The following ANKDD1A variants were observed in gnomAD, a reference collection of about 807,000 sequenced individuals.
ANKDD1A encodes ankyrin repeat and death domain-containing protein 1A.
Under a neutral mutation model 63.5 loss-of-function variants are expected in ANKDD1A, and 59 were observed. That is an observed-to-expected ratio of 0.93 (90% CI 0.75 to 1.15). The LOEUF (loss-of-function observed/expected upper bound fraction) is 1.15. Among genes scored for constraint, ANKDD1A ranks in the 50% most tolerant of loss-of-function variants. The pLI is 0.00. For missense variants in ANKDD1A, 632 were observed against 656.4 expected (o/e 0.96, Z 0.41); for synonymous variants, 266 against 263.9 (o/e 1.01, Z -0.08).
rs146094008 is a variant in ANKDD1A, at chr15:64,915,905, G to A, written c.138+5G>A. 492 of 1,612,368 alleles carry A rather than the reference G, an allele frequency of 3.1e-4. No homozygotes were observed. Among genetic ancestry groups the A allele is most frequent in the Non-Finnish European group, 3.4e-4 (405 of 1,179,024 alleles). ...AACACCAGGGCCAGAAACCACGTGCGTAATGAGCTTCTCTGAATCCAGGCA... is the reference window on the plus strand; with the variant it reads ...AACACCAGGGCCAGAAACCACGTGCATAATGAGCTTCTCTGAATCCAGGCA... On this transcript the variant is annotated splice_donor_5th_base_variant and intron_variant, in intron 2 of 14. Coordinates refer to ENST00000319580, the MANE Select transcript of ANKDD1A (RefSeq NM_182703.6).
chr15:64,954,538 CTCCTTCTTCTTTTCTTCT>C (rs1262533005), intron 14 of ANKDD1A, among the ~76,000 whole-genome samples: 22 of 19,512 alleles, frequency 1.1e-3, no homozygotes, highest in Non-Finnish European at 1.6e-3. Context: ...CTTCCTCCTT[CTCCTTCTTCTTTTCTTCT>C]TCCTTCTCCT....
intron 9 of ANKDD1A, among the ~76,000 whole-genome samples, chr15:64,942,265 C>T (rs1045260319): frequency 1.3e-5 from 2 of 152,124 alleles, no homozygotes; most frequent in African/African-American, 4.8e-5. Flanking sequence ...CAGACCCTCA[C>T]CCATCTAGAG....
intron 14 of ANKDD1A, among the ~76,000 whole-genome samples, chr15:64,953,772 C>T (rs1412688875): frequency 1.4e-4 from 3 of 21,788 alleles, no homozygotes; most frequent in South Asian, 8.9e-4. Context: ...TCTTCCTCTT[C>T]CCTCTTTTCT....
At chr15:64,955,043 CTTTCT>C (rs1555367089) in intron 14 of ANKDD1A, among the ~76,000 whole-genome samples, 45,943 of 81,086 alleles carry the variant, frequency 0.57, 8,029 homozygotes, top group South Asian at 0.63. Flanking sequence ...CTTCTTCTTT[CTTTCT>C]TTCTTCTTCT....
At chr15:64,925,472 C>A (rs2085039290) in intron 4 of ANKDD1A, among the ~76,000 whole-genome samples, 1 of 152,074 alleles carries the variant, frequency 6.6e-6, no homozygotes, top group Non-Finnish European at 1.5e-5. Context: ...TTCCTGTCCA[C>A]CCCCAACCCA....
At chr15:64,928,855 G>A (rs767523492) in intron 6 of ANKDD1A, among the ~76,000 whole-genome samples, 26 of 152,346 alleles carry the variant, frequency 1.7e-4, no homozygotes, top group Middle Eastern at 3.4e-3. Flanking sequence ...AAGTGCGAGC[G>A]CCTGTCAGGC....
rs761401352 is a variant in ANKDD1A at position 64,947,569 on chromosome 15, G to A, written c.1327G>A (p.Asp443Asn). 7 of 1,614,042 alleles carry A rather than the reference G, an allele frequency of 4.3e-6. No individual in the cohort carries two copies. Among genetic ancestry groups the A allele is most frequent in the South Asian group, 3.3e-5 (3 of 91,062 alleles). Residue 443 changes from aspartate (D) to asparagine (N), a missense_variant, in exon 13 of 15, where the codon GAC becomes AAC. Transcript: ENST00000319580. The part of the protein sequence containing the change: ...YSWEFTEAHV[D>N]AIEQQWTGTR... Reference sequence around the variant, plus strand: ...CTGGGAGTTCACGGAGGCACATGTCGACGCCATCGAGCAACAGTGGACAGG... The same window carrying A: ...CTGGGAGTTCACGGAGGCACATGTCAACGCCATCGAGCAACAGTGGACAGG...
chr15:64,935,451 G>T lies in ANKDD1A; in HGVS notation c.867+1217G>T, dbSNP rs190993695. Among the ~76,000 whole-genome samples, 584 of 152,070 alleles carry T rather than the reference G, an allele frequency of 3.8e-3. 3 individuals are homozygous for T. Among genetic ancestry groups the T allele is most frequent in the Non-Finnish European group, 5.9e-3 (400 of 67,976 alleles). Reference sequence around the variant, plus strand: ...AGCACTTTGGGAGGCCGAGGCGGGCGGATCACGAGGTCAGGAGATCGAGAC... The same window carrying T: ...AGCACTTTGGGAGGCCGAGGCGGGCTGATCACGAGGTCAGGAGATCGAGAC... On this transcript the variant is annotated intron_variant, in intron 9 of 14. Coordinates refer to ENST00000319580, the MANE Select transcript of ANKDD1A (RefSeq NM_182703.6).
At chr15:64,941,739 AT>A (rs1348386189) in intron 9 of ANKDD1A, among the ~76,000 whole-genome samples, 2 of 152,158 alleles carry the variant, frequency 1.3e-5, no homozygotes, top group Admixed American at 6.5e-5. Flanking sequence ...GTGTGTCACT[AT>A]ATCACCTAGA....
In ANKDD1A at chr15:64,954,509, TCTC is replaced by T. The variant is rs1453392965; in HGVS notation, c.1484-2590_1484-2588del. Among the ~76,000 whole-genome samples the T allele has an allele frequency of 3.4e-4, 44 of 130,980 alleles. 2 individuals are homozygous for T. In the South Asian group the frequency reaches 0.01, roughly 31 times the overall value. The allele number at this position is 130,980 out of a possible 152,430, so 85.9% of individuals were successfully genotyped here. A position where few individuals can be genotyped will look rare whatever the true frequency, so the allele number is the denominator to read the frequency against. ...CTTCCTTCTCCTTCTTCTTCCTTCTTCTCCTCTTTCTTCTCCTTCTTCCTCCTT... is the reference window on the plus strand; with the variant it reads ...CTTCCTTCTCCTTCTTCTTCCTTCTTCTCTTTCTTCTCCTTCTTCCTCCTT... On this transcript the variant is annotated intron_variant, in intron 14 of 14. Transcript: ENST00000319580.
Position 64,949,990 on chromosome 15 carries a change from T to C in ANKDD1A, c.1483+18T>C, listed in dbSNP as rs764564120. The C allele has an allele frequency of 6.2e-6, 10 of 1,605,404 alleles. No individual in the cohort carries two copies. Among genetic ancestry groups the C allele is most frequent in the Non-Finnish European group, 8.5e-6 (10 of 1,177,762 alleles). On this transcript the variant is annotated intron_variant, in intron 14 of 14. Transcript: ENST00000319580. ...CCTGGCTGGTAAGAGCGTACTCTGC[T>C]GGGCTGCTTCTCAGGAGCTGGGTGG...
intron 14 of ANKDD1A, chr15:64,950,640 A>G (rs942858794): frequency 1.0e-6 from 1 of 984,876 alleles, no homozygotes; most frequent in African/African-American, 1.7e-5. Context: ...ATTAGATATG[A>G]GGCAACAAAG....
rs746964930 is a variant in ANKDD1A at position 64,949,855 on chromosome 15, C to A, written c.1366C>A (p.Gln456Lys). 4 of 1,602,374 alleles carry A rather than the reference C, an allele frequency of 2.5e-6. No individual in the cohort carries two copies. The African/African-American group carries it at 5.3e-5, about 21-fold the overall frequency. ...EQQWTGTRSY[Q>K]EHGHRMLLIW... Reference sequence around the variant, plus strand: ...ACTGTTCTCAGGCACCAGGAGCTATCAGGAGCACGGCCACCGAATGCTGCT... The same window carrying A: ...ACTGTTCTCAGGCACCAGGAGCTATAAGGAGCACGGCCACCGAATGCTGCT... Residue 456 changes from glutamine to lysine, a missense_variant, in exon 14 of 15, where the codon CAG becomes AAG. Coordinates refer to ENST00000319580, the MANE Select transcript of ANKDD1A (RefSeq NM_182703.6).
chr15:64,956,250 T>C (rs1330634858), intron 14 of ANKDD1A, among the ~76,000 whole-genome samples: 1 of 145,832 alleles, frequency 6.9e-6, no homozygotes, highest in Non-Finnish European at 1.5e-5. Context: ...TTTCTTTTTT[T>C]TTGAAACAGT....
intron 3 of ANKDD1A, among the ~76,000 whole-genome samples, chr15:64,919,302 C>A (rs150569177): frequency 1.8e-4 from 27 of 152,148 alleles, no homozygotes; most frequent in African/African-American, 6.5e-4. Context: ...GGACTCTGCC[C>A]GTGCTTGTTC....
At chr15:64,932,434 G>C (rs2085099195) in intron 8 of ANKDD1A, 1 of 152,182 alleles carries the variant, frequency 6.6e-6, no homozygotes, top group Admixed American at 6.5e-5. Context: ...CTTGAGGTGT[G>C]ACCCTGGATG....
At chr15:64,922,147 T>C (rs1203094189) in intron 4 of ANKDD1A, 128 bp downstream of exon 4, 2 of 718,982 alleles carry the variant, frequency 2.8e-6, no homozygotes, top group Non-Finnish European at 4.6e-6. Flanking sequence ...CCTGTCCCTC[T>C]TTCATCTGAT....
chr15:64,956,035 G>C (rs1399772534), intron 14 of ANKDD1A, among the ~76,000 whole-genome samples: 1 of 152,146 alleles, frequency 6.6e-6, no homozygotes, highest in Non-Finnish European at 1.5e-5. Context: ...CTGTTCAGCA[G>C]TGAAAAAAGG....
At position 64,915,933 on chromosome 15, in the gene ANKDD1A, T is replaced by C. The variant is rs375406958; in HGVS notation, c.138+33T>C. On this transcript the variant is annotated intron_variant, in intron 2 of 14. Coordinates refer to ENST00000319580, the MANE Select transcript of ANKDD1A (RefSeq NM_182703.6). ...ATGAGCTTCTCTGAATCCAGGCACC[T>C]GGGATAGTGTCACGATAATGCCAGT... is the stretch of plus-strand genomic sequence containing the variant. The C allele has an allele frequency of 1.5e-4, 238 of 1,596,120 alleles. 1 individual carries two copies. The highest frequency in any genetic ancestry group is 1.3e-4 in the Non-Finnish European group (154 of 1,166,712).
Sources: allele counts gnomAD v4.1 joint callset (sites outside exome capture counted in the v4.1 genomes callset), GRCh38; gene constraint gnomAD v4.1.1; transcripts MANE v1.5; gene names NCBI Gene and HGNC (gene_info 2026-07-23, HGNC 2026-07-21).